AUTS2: variants seen among roughly 807,000 people sequenced by gnomAD.
The protein encoded by AUTS2 is activator of transcription and developmental regulator AUTS2, also known as autism susceptibility gene 2 protein.
AUTS2 carries 17 observed loss-of-function variants against 112.4 expected under a neutral mutation model. The observed-to-expected ratio is 0.15, with a 90% CI of 0.10 to 0.23. The LOEUF (loss-of-function observed/expected upper bound fraction) is 0.23, where lower values mean the gene tolerates loss of function less well. AUTS2 is among the 10% of genes least tolerant of loss of function. The probability of loss-of-function intolerance (pLI) is 1.00; values close to 1 mark genes in which losing one functional copy is unlikely to be tolerated. For synonymous variants in AUTS2, 751 were observed against 702.7 expected (o/e 1.07, Z -1.09); for missense variants, 1,510 against 1,701.6 (o/e 0.89, Z 1.98).
intron 2 of AUTS2, among the ~76,000 whole-genome samples, chr7:69,926,949 G>T (rs1018201298): frequency 1.4e-5 from 2 of 144,350 alleles, no homozygotes; most frequent in East Asian, 2.0e-4. Context: ...TATATATAAA[G>T]ATATATAACA....
intron 4 of AUTS2, among the ~76,000 whole-genome samples, chr7:70,431,911 T>C (rs1288177445): frequency 2.0e-5 from 3 of 152,238 alleles, no homozygotes; most frequent in Non-Finnish European, 4.4e-5. Context: ...TTGAGGCCTT[T>C]GGCCAGGCGT....
At chr7:70,695,952 C>T (rs952954415) in intron 5 of AUTS2, among the ~76,000 whole-genome samples, 12 of 152,218 alleles carry the variant, frequency 7.9e-5, no homozygotes, top group East Asian at 3.9e-4. Context: ...GAGGTGCCCC[C>T]GTGTTCGAGA....
intron 1 of AUTS2, among the ~76,000 whole-genome samples, chr7:69,771,511 G>A (rs1788661435): frequency 6.6e-6 from 1 of 152,206 alleles, no homozygotes; most frequent in Middle Eastern, 3.2e-3. Flanking sequence ...TCAGTGCAGC[G>A]TGGAAACCTG....
At chr7:69,641,533 G>A (rs899705466) in intron 1 of AUTS2, among the ~76,000 whole-genome samples, 4 of 152,130 alleles carry the variant, frequency 2.6e-5, no homozygotes, top group African/African-American at 9.7e-5. Flanking sequence ...CTGCATATTC[G>A]CTGCTTTGTT....
At chr7:69,967,273 C>T (rs527355010) in intron 2 of AUTS2, among the ~76,000 whole-genome samples, 3 of 152,016 alleles carry the variant, frequency 2.0e-5, no homozygotes, top group South Asian at 2.1e-4. Context: ...TTATTCATCC[C>T]GTGGGAGTAG....
intron 1 of AUTS2, among the ~76,000 whole-genome samples, chr7:69,823,531 C>G (rs1024525901): frequency 6.6e-6 from 1 of 152,230 alleles, no homozygotes; most frequent in Non-Finnish European, 1.5e-5. Context: ...TAGATCACCC[C>G]TGCTGTTAAC....
chr7:70,490,679 G>A (rs896816045), intron 5 of AUTS2, among the ~76,000 whole-genome samples: 10 of 152,226 alleles, frequency 6.6e-5, no homozygotes, highest in Non-Finnish European at 1.2e-4. Flanking sequence ...TCAAAACATC[G>A]TTGAGCATTG....
chr7:69,878,853 C>T (rs959772899), intron 1 of AUTS2, among the ~76,000 whole-genome samples: 2 of 152,108 alleles, frequency 1.3e-5, no homozygotes, highest in Non-Finnish European at 2.9e-5. Flanking sequence ...CTATACTCAA[C>T]CAGTCGCTCT....
chr7:69,836,010 G>T (rs1447821380), intron 1 of AUTS2, among the ~76,000 whole-genome samples: 1 of 152,180 alleles, frequency 6.6e-6, no homozygotes, highest in Non-Finnish European at 1.5e-5. Flanking sequence ...CTGATGGAGG[G>T]ACTCAGCAGA....
chr7:70,777,360 A>C (rs1790773325), intron 14 of AUTS2, 186 bp downstream of exon 14: 2 of 618,194 alleles, frequency 3.2e-6, no homozygotes, highest in Non-Finnish European at 5.7e-6. Context: ...TCAGGGTCTC[A>C]CTCTGTTGCC....
chr7:70,673,549 ATTTTT>A (rs903687262), intron 5 of AUTS2, among the ~76,000 whole-genome samples: 3 of 151,466 alleles, frequency 2.0e-5, no homozygotes, highest in African/African-American at 7.3e-5. Context: ...ATTTTATTTT[ATTTTT>A]TAGTAGAGAT....
chr7:69,953,370 GA>G (rs752069639), intron 2 of AUTS2, among the ~76,000 whole-genome samples: 1 of 152,084 alleles, frequency 6.6e-6, no homozygotes, highest in Non-Finnish European at 1.5e-5. Flanking sequence ...AATTTAGTAT[GA>G]TTTTTTTTTC....
intron 5 of AUTS2, among the ~76,000 whole-genome samples, chr7:70,475,566 G>C (rs1055216080): frequency 6.6e-6 from 1 of 152,136 alleles, no homozygotes; most frequent in Non-Finnish European, 1.5e-5. Context: ...TTTCCCCACA[G>C]TGCCTCACAT....
intron 1 of AUTS2, among the ~76,000 whole-genome samples, chr7:69,875,338 T>C (rs1291176903): frequency 3.3e-5 from 5 of 152,204 alleles, no homozygotes; most frequent in Non-Finnish European, 5.9e-5. Context: ...TGAAGATAAT[T>C]GAGAAAAAGT....
At chr7:69,931,914 T>A (rs1267141118) in intron 2 of AUTS2, among the ~76,000 whole-genome samples, 1 of 152,360 alleles carries the variant, frequency 6.6e-6, no homozygotes, top group East Asian at 1.9e-4. Flanking sequence ...TGACTCTTTT[T>A]AATTAATTGT....
rs1791969455 is a variant in AUTS2 at position 70,355,560 on chromosome 7, C to T, written c.661-80192C>T. Among the ~76,000 whole-genome samples, 2 of 152,114 alleles carry T rather than the reference C, an allele frequency of 1.3e-5. 1 individual carries two copies. The highest frequency in any genetic ancestry group is 4.2e-4 in the South Asian group (2 of 4,816). ...TTTCCTGGTCCACCTCCCTCTCTCT[C>T]CTGGACGCCCATCTCTGGGGTGTCT... On this transcript the variant is annotated intron_variant, in intron 4 of 18. Transcript: ENST00000342771.
chr7:70,656,092 A>G (rs73704585), intron 5 of AUTS2, among the ~76,000 whole-genome samples: 1,908 of 151,958 alleles, frequency 0.013, 45 homozygotes, highest in African/African-American at 0.043. Flanking sequence ...TTATATATAA[A>G]TAAATAATAT....
chr7:69,699,671 G>C (rs972635203), intron 1 of AUTS2, among the ~76,000 whole-genome samples: 1 of 121,126 alleles, frequency 8.3e-6, no homozygotes, highest in African/African-American at 3.3e-5. Flanking sequence ...TCCCGAGACA[G>C]AATCTCACTC....
chr7:69,900,708 C>T (rs534102879), intron 2 of AUTS2, among the ~76,000 whole-genome samples: 2 of 152,224 alleles, frequency 1.3e-5, no homozygotes, highest in East Asian at 1.9e-4. Flanking sequence ...CTGCCTTATA[C>T]GTAGTGAAGC....
Sources: gnomAD v4.1 joint callset for allele counts (sites outside exome capture counted in the v4.1 genomes callset) on GRCh38, gnomAD v4.1.1 for gene constraint, MANE v1.5 for transcripts, NCBI Gene and HGNC (gene_info 2026-07-23, HGNC 2026-07-21) for gene names.